KMT5B: variants seen among roughly 807,000 people sequenced by gnomAD.
KMT5B encodes histone-lysine N-methyltransferase KMT5B.
KMT5B carries 10 observed loss-of-function variants against 83.2 expected under a neutral mutation model. The ratio of observed to expected loss-of-function variants is 0.12; its 90% confidence interval spans 0.07 to 0.20. The LOEUF (loss-of-function observed/expected upper bound fraction) is 0.20, where lower values mean the gene tolerates loss of function less well. KMT5B is among the 10% of genes least tolerant of loss of function. KMT5B has a pLI of 1.00. For synonymous variants in KMT5B, 349 were observed against 388.8 expected, an observed-to-expected ratio of 0.90 and a Z score of 1.20; for missense variants, 753 against 1,067.2, an observed-to-expected ratio of 0.71 and a Z score of 4.10.
chr11:68,199,805 C>T (rs1024992306), intron 1 of KMT5B, among the ~76,000 whole-genome samples: 2 of 152,136 alleles, frequency 1.3e-5, no homozygotes, highest in African/African-American at 2.4e-5. Flanking sequence ...TGGTTGGCTT[C>T]GAGATCTTTT....
At chr11:68,207,821 A>T (rs993223405) in intron 1 of KMT5B, among the ~76,000 whole-genome samples, 1 of 149,830 alleles carries the variant, frequency 6.7e-6, no homozygotes, top group African/African-American at 2.5e-5. Flanking sequence ...CCAAAAAACA[A>T]CACAGAATAA....
rs558818899 is a variant in KMT5B at position 68,157,404 on chromosome 11, A to C, written c.*284T>G. ...TTACTGTTTTCAACGTCCTGTGTGG[A>C]AAGTTGCTATCACTGTACAATTTTG... On this transcript the variant is annotated 3_prime_UTR_variant, in exon 11 of 11. Coordinates refer to ENST00000304363, the MANE Select transcript of KMT5B (RefSeq NM_017635.5). The C allele has an allele frequency of 3.4e-5, 9 of 264,360 alleles. No individual in the cohort carries two copies. In the East Asian group the frequency reaches 5.9e-4, roughly 17 times the overall value. 16.4% of individuals were successfully genotyped at this position (264,360 alleles called of 1,614,324 possible). A position where few individuals can be genotyped will look rare whatever the true frequency, so the allele number is the denominator to read the frequency against.
rs935354819 is a variant in KMT5B at position 68,155,937 on chromosome 11, G to A, written c.*1751C>T. On this transcript the variant is annotated 3_prime_UTR_variant, in exon 11 of 11. Coordinates refer to ENST00000304363, the MANE Select transcript of KMT5B (RefSeq NM_017635.5). ...GCAGAAGTAGTTCCTTAGAGAACCA[G>A]GAGAAAACAATCTACTTTCTAAAAA... 15 of 152,162 alleles carry A rather than the reference G, an allele frequency of 9.9e-5. No homozygotes were observed. The highest frequency in any genetic ancestry group is 1.3e-4 in the Non-Finnish European group (9 of 68,040). 9.4% of individuals were successfully genotyped at this position (152,162 alleles called of 1,614,324 possible). A position where few individuals can be genotyped will look rare whatever the true frequency, so the allele number is the denominator to read the frequency against.
intron 3 of KMT5B, among the ~76,000 whole-genome samples, chr11:68,182,820 T>C (rs1250426673): frequency 6.6e-6 from 1 of 150,678 alleles, no homozygotes; most frequent in African/African-American, 2.4e-5. Flanking sequence ...CACCACAACC[T>C]CTGCCTCCCA....
intron 10 of KMT5B, among the ~76,000 whole-genome samples, chr11:68,164,192 T>C (rs765722334): frequency 1.3e-5 from 2 of 152,208 alleles, no homozygotes; most frequent in Non-Finnish European, 2.9e-5. Context: ...AGTCACACCA[T>C]AGCTCTCAAG....
intron 10 of KMT5B, among the ~76,000 whole-genome samples, chr11:68,160,458 A>G (rs941866334): frequency 2.6e-5 from 4 of 152,234 alleles, no homozygotes; most frequent in Non-Finnish European, 5.9e-5. Flanking sequence ...CACGATAACA[A>G]AACGAATCAT....
intron 10 of KMT5B, chr11:68,166,780 A>G: frequency 1.4e-6 from 2 of 1,406,246 alleles, no homozygotes; most frequent in Non-Finnish European, 1.8e-6. Context: ...AAAATAGTCT[A>G]GAGGACGGTA....
chr11:68,166,010 TA>T (rs1212368234), intron 10 of KMT5B: 1 of 1,612,204 alleles, frequency 6.2e-7, no homozygotes, highest in African/African-American at 1.3e-5. Context: ...GAGAAGAACC[TA>T]AAATAATCAG....
intron 3 of KMT5B, among the ~76,000 whole-genome samples, chr11:68,182,233 A>G (rs1329295681): frequency 6.6e-6 from 1 of 152,068 alleles, no homozygotes; most frequent in East Asian, 1.9e-4. Flanking sequence ...ACTCCTAGTA[A>G]GGTATTTTTA....
intron 4 of KMT5B, among the ~76,000 whole-genome samples, chr11:68,176,945 T>G (rs1163408555): frequency 1.3e-5 from 2 of 152,204 alleles, no homozygotes; most frequent in African/African-American, 4.8e-5. Context: ...TATGCTAAAA[T>G]TGAGGTAAGA....
chr11:68,164,712 C>T (rs767946533), intron 10 of KMT5B: 16 of 508,670 alleles, frequency 3.1e-5, no homozygotes, highest in African/African-American at 3.1e-4. Context: ...GCCAAGCACC[C>T]CAATATCAGC....
At position 68,179,378 on chromosome 11, in the gene KMT5B, A is replaced by G; in HGVS notation, c.377+754T>C. On this transcript the variant is annotated intron_variant, in intron 4 of 10. Coordinates refer to ENST00000304363, the MANE Select transcript of KMT5B (RefSeq NM_017635.5). ...TTTTCTCTTTTTACACTTCCAATCA[A>G]TGGCTGGTATAAGAAAAATAAAAAT... 2.6e-6 allele frequency: 3 copies of G among 1,163,288 alleles called. No homozygotes were observed. The South Asian group carries it at 4.1e-5, about 16-fold the overall frequency. 72.1% of individuals were successfully genotyped at this position (1,163,288 alleles called of 1,614,324 possible). A position where few individuals can be genotyped will look rare whatever the true frequency, so the allele number is the denominator to read the frequency against.
chr11:68,172,830 T>G (rs75236471), intron 6 of KMT5B, among the ~76,000 whole-genome samples: 2 of 151,998 alleles, frequency 1.3e-5, no homozygotes, highest in African/African-American at 4.8e-5. Context: ...GTACACACAC[T>G]CACCCCAGAG....
chr11:68,156,381 AAGTT>A lies in KMT5B; in HGVS notation c.*1303_*1306del, dbSNP rs1474932072. ...AAGTAGTAATAAAAATTTGCTCATT[AAGTT>A]AATTAAAATTAATTTCTCAAAGTGC... On this transcript the variant is annotated 3_prime_UTR_variant, in exon 11 of 11. Transcript: ENST00000304363. 21 of 152,224 alleles carry A rather than the reference AAGTT, an allele frequency of 1.4e-4. No individual in the cohort carries two copies. The highest frequency in any genetic ancestry group is 4.6e-4 in the African/African-American group (19 of 41,488). 9.4% of individuals were successfully genotyped at this position (152,224 alleles called of 1,614,324 possible).
intron 4 of KMT5B, chr11:68,179,682 G>A: frequency 9.0e-7 from 1 of 1,105,516 alleles, no homozygotes; most frequent in Non-Finnish European, 1.1e-6. Flanking sequence ...GAGGAAGAGA[G>A]AAAAATGCTC....
chr11:68,187,677 T>C (rs960026940), intron 2 of KMT5B, among the ~76,000 whole-genome samples: 6 of 152,248 alleles, frequency 3.9e-5, no homozygotes, highest in Admixed American at 3.9e-4. Context: ...AGATGTCTGT[T>C]AGGCCTCATT....
At position 68,158,472 on chromosome 11, in the gene KMT5B, T is replaced by C. The variant is rs1859463433; in HGVS notation, c.1874A>G (p.Lys625Arg). Reference sequence around the variant, plus strand: ...GTGCACTGGAGTAGATTCCTCTATTTTTGCAAACTGTTTCACAAGTTTTCC... The same window carrying C: ...GTGCACTGGAGTAGATTCCTCTATTCTTGCAAACTGTTTCACAAGTTTTCC... ...RQGKLVKQFA[K>R]IEESTPVHDS... The change falls in exon 11 of 11, where the codon AAA becomes AGA. Residue 625 changes from lysine to arginine, a missense_variant. By Grantham distance (26) the Lys-to-Arg change is conservative (BLOSUM62 2). This residue lies in a region of KMT5B where 397 missense variants were observed against 395.9 expected (regional missense o/e 1.00). Coordinates refer to ENST00000304363, the MANE Select transcript of KMT5B (RefSeq NM_017635.5). 6.2e-7 allele frequency: 1 copy of C among 1,614,026 alleles called. No individual in the cohort carries two copies. Among genetic ancestry groups the C allele is most frequent in the Non-Finnish European group, 8.5e-7 (1 of 1,180,016 alleles).
At position 68,156,966 on chromosome 11, in the gene KMT5B, GAA is replaced by G. The variant is rs921399658; in HGVS notation, c.*720_*721del. 25 of 152,394 alleles carry G rather than the reference GAA, an allele frequency of 1.6e-4. No individual in the cohort carries two copies. Among genetic ancestry groups the G allele is most frequent in the Non-Finnish European group, 2.8e-4 (19 of 67,994 alleles). 9.4% of individuals were successfully genotyped at this position (152,394 alleles called of 1,614,324 possible). A position where few individuals can be genotyped will look rare whatever the true frequency, so the allele number is the denominator to read the frequency against. On this transcript the variant is annotated 3_prime_UTR_variant, in exon 11 of 11. Coordinates refer to ENST00000304363, the MANE Select transcript of KMT5B (RefSeq NM_017635.5). The stretch of plus-strand genomic sequence containing the variant: ...AAGAACAATTTTATCTAAAAGGATT[GAA>G]AAGAGTTAAATACAAGGTTTTTAAT...
chr11:68,177,198 A>G (rs1346851861), intron 4 of KMT5B, among the ~76,000 whole-genome samples: 1 of 152,280 alleles, frequency 6.6e-6, no homozygotes, highest in Non-Finnish European at 1.5e-5. Context: ...TATATGCATC[A>G]AACAGTTAAG....
Sources: allele counts gnomAD v4.1 joint callset (sites outside exome capture counted in the v4.1 genomes callset), GRCh38; gene constraint gnomAD v4.1.1; regional missense constraint gnomAD v4.1.1; transcripts MANE v1.5; gene names NCBI Gene and HGNC (gene_info 2026-07-23, HGNC 2026-07-21).